Variants in ENOX1 observed in about 807,000 individuals in gnomAD.
ENOX1 encodes the protein candidate growth-related and time keeping constitutive hydroquinone (NADH) oxidase.
ENOX1 carries 42 observed loss-of-function variants against 82.5 expected under a neutral mutation model. The ratio of observed to expected loss-of-function variants is 0.51; its 90% CI spans 0.40 to 0.66. The LOEUF is 0.66. ENOX1 is among the 30% of genes least tolerant of loss of function. The pLI, the probability that ENOX1 is intolerant of heterozygous loss-of-function variation, is 0.00. For missense variants in ENOX1, 608 were observed against 811.6 expected (o/e 0.75, Z 3.05); for synonymous variants, 271 against 282.2 (o/e 0.96, Z 0.40).
chr13:43,516,899 A>G (rs568617113), intron 2 of ENOX1, among the ~76,000 whole-genome samples: 2 of 152,334 alleles, frequency 1.3e-5, no homozygotes, highest in African/African-American at 4.8e-5. Context: ...CATGTTAAAC[A>G]CATTCACTGC....
Position 43,531,757 on chromosome 13 carries a change from A to G in ENOX1, c.-218-47605T>C, listed in dbSNP as rs1423081824. ...TACTATGCAGCCATAAAAAATGATG[A>G]GTTCATGTCCTTTGTAGGGACATGG... On this transcript the variant is annotated intron_variant, in intron 2 of 16. Transcript: ENST00000690772. Among the ~76,000 whole-genome samples, 80 of 149,834 alleles carry G rather than the reference A, an allele frequency of 5.3e-4. No individual in the cohort carries two copies. The East Asian group carries it at 0.015, about 29-fold the overall frequency.
At chr13:43,662,165 G>A (rs1461009544) in intron 2 of ENOX1, among the ~76,000 whole-genome samples, 5 of 152,102 alleles carry the variant, frequency 3.3e-5, no homozygotes, top group South Asian at 2.1e-4. Context: ...CATTATTCCT[G>A]TTCATATTAC....
At chr13:43,620,328 G>A (rs1330780379) in intron 2 of ENOX1, among the ~76,000 whole-genome samples, 2 of 151,826 alleles carry the variant, frequency 1.3e-5, no homozygotes, top group Non-Finnish European at 2.9e-5. Context: ...GTTCCTTAAA[G>A]TATGACCTTA....
chr13:43,373,236 T>C (rs749518438), intron 5 of ENOX1, among the ~76,000 whole-genome samples: 1 of 152,078 alleles, frequency 6.6e-6, no homozygotes, highest in Admixed American at 6.6e-5. Flanking sequence ...CTGTCCTAAC[T>C]TCTTTGGGTG....
chr13:43,630,931 GTT>G (rs1378939934), intron 2 of ENOX1, among the ~76,000 whole-genome samples: 11 of 121,946 alleles, frequency 9.0e-5, no homozygotes, highest in Non-Finnish European at 1.4e-4. Flanking sequence ...GTGTGTGTGT[GTT>G]TGTGTGTGTG....
chr13:43,309,355 T>C (rs2047056739), intron 11 of ENOX1, among the ~76,000 whole-genome samples: 1 of 152,054 alleles, frequency 6.6e-6, no homozygotes, highest in African/African-American at 2.4e-5. Flanking sequence ...TCACTGACTC[T>C]AAACTCCCCC....
At chr13:43,264,777 A>G (rs1056632484) in intron 14 of ENOX1, among the ~76,000 whole-genome samples, 1 of 152,216 alleles carries the variant, frequency 6.6e-6, no homozygotes, top group African/African-American at 2.4e-5. Flanking sequence ...ATCTGAGACT[A>G]AAGAACTTTC....
intron 12 of ENOX1, among the ~76,000 whole-genome samples, chr13:43,290,202 G>A (rs1265466913): frequency 1.3e-5 from 2 of 152,118 alleles, no homozygotes; most frequent in African/African-American, 2.4e-5. Context: ...GCTATCATTC[G>A]ACCCAGCAAG....
intron 1 of ENOX1, among the ~76,000 whole-genome samples, chr13:43,684,779 T>C (rs896492935): frequency 1.3e-5 from 2 of 152,190 alleles, no homozygotes; most frequent in Non-Finnish European, 2.9e-5. Flanking sequence ...TCTTTCTGCA[T>C]AGTAGCCATA....
At chr13:43,591,260 T>C (rs910003088) in intron 2 of ENOX1, among the ~76,000 whole-genome samples, 1 of 152,170 alleles carries the variant, frequency 6.6e-6, no homozygotes, top group Non-Finnish European at 1.5e-5. Context: ...CAAGAGATCA[T>C]TAAAAACTTC....
chr13:43,606,304 T>C lies in ENOX1; in HGVS notation c.-219+61175A>G, dbSNP rs375181505. ...ACCATACGATTTAGCAATGCCACTG[T>C]GAGTTATATACCCAAAAGAAAGGAA... is the stretch of plus-strand genomic sequence containing the variant. On this transcript the variant is annotated intron_variant, in intron 2 of 16. Transcript: ENST00000690772. Among the ~76,000 whole-genome samples, 33 of 152,314 alleles carry C rather than the reference T, an allele frequency of 2.2e-4. No individual in the cohort carries two copies. The East Asian group carries it at 5.6e-3, about 26-fold the overall frequency.
chr13:43,660,203 CTAAG>C (rs1323384147), intron 2 of ENOX1, among the ~76,000 whole-genome samples: 1 of 152,146 alleles, frequency 6.6e-6, no homozygotes, highest in East Asian at 1.9e-4. Context: ...CTCAGGTCTG[CTAAG>C]TAAGTTAGCA....
At chr13:43,677,961 T>C (rs1419613873) in intron 1 of ENOX1, among the ~76,000 whole-genome samples, 1 of 152,196 alleles carries the variant, frequency 6.6e-6, no homozygotes, top group African/African-American at 2.4e-5. Flanking sequence ...CCTCTAATTC[T>C]CTATTCTCTA....
chr13:43,710,604 G>T (rs1270364950), intron 1 of ENOX1, among the ~76,000 whole-genome samples: 1 of 152,002 alleles, frequency 6.6e-6, no homozygotes, highest in African/African-American at 2.4e-5. Flanking sequence ...ATTGAAGGAG[G>T]AGAGAAAAAA....
chr13:43,548,582 C>T (rs1236082385), intron 2 of ENOX1, among the ~76,000 whole-genome samples: 3 of 152,176 alleles, frequency 2.0e-5, no homozygotes, highest in Admixed American at 6.5e-5. Flanking sequence ...TAAAACACAA[C>T]GAAACTTCTT....
At chr13:43,755,534 A>G (rs1950601953) in intron 1 of ENOX1, among the ~76,000 whole-genome samples, 1 of 152,118 alleles carries the variant, frequency 6.6e-6, no homozygotes, top group African/African-American at 2.4e-5. Flanking sequence ...TTTCTTTCCT[A>G]TAAAAAATCT....
intron 14 of ENOX1, among the ~76,000 whole-genome samples, chr13:43,244,578 T>C (rs1373626410): frequency 6.6e-6 from 1 of 152,172 alleles, no homozygotes; most frequent in Admixed American, 6.5e-5. Context: ...TGAAGAGCTA[T>C]AGGTAAGGAC....
chr13:43,269,635 T>C (rs956820647), intron 12 of ENOX1, 58 bp from the exon 13 acceptor site: 16 of 1,301,214 alleles, frequency 1.2e-5, no homozygotes, highest in South Asian at 3.6e-5. Flanking sequence ...GATTTAAAAA[T>C]ATCCACAATA....
intron 1 of ENOX1, among the ~76,000 whole-genome samples, chr13:43,708,715 T>C (rs1055342938): frequency 3.3e-5 from 5 of 152,158 alleles, no homozygotes; most frequent in Non-Finnish European, 7.3e-5. Context: ...AATGAATAAA[T>C]AGGCCTCACA....
Sources: allele counts gnomAD v4.1 joint callset (sites outside exome capture counted in the v4.1 genomes callset), GRCh38; gene constraint gnomAD v4.1.1; transcripts MANE v1.5; gene names NCBI Gene and HGNC (gene_info 2026-07-23, HGNC 2026-07-21).